ANO2: variants seen among roughly 807,000 people sequenced by gnomAD.
ANO2 encodes anoctamin-2.
ANO2 carries 101 observed loss-of-function variants against 124.2 expected under a neutral mutation model. The ratio of observed to expected loss-of-function variants is 0.81; its 90% CI spans 0.69 to 0.96. The LOEUF (loss-of-function observed/expected upper bound fraction) is 0.96, where lower values mean the gene tolerates loss of function less well. Ranked by LOEUF, ANO2 falls within the 40% of genes least tolerant of loss-of-function variation. The pLI is 0.00. For synonymous variants in ANO2, 486 were observed against 482.5 expected (o/e 1.01, Z -0.09); for missense variants, 1,293 against 1,274.5 (o/e 1.01, Z -0.22).
chr12:5,876,992 T>C (rs1181691178), intron 3 of ANO2, among the ~76,000 whole-genome samples: 2 of 152,164 alleles, frequency 1.3e-5, no homozygotes, highest in Admixed American at 6.5e-5. Context: ...AAAAAGACAG[T>C]AAATAAACAT....
intron 20 of ANO2, among the ~76,000 whole-genome samples, chr12:5,592,261 G>A (rs1022963254): frequency 1.3e-5 from 2 of 152,040 alleles, no homozygotes; most frequent in Admixed American, 6.6e-5. Context: ...TGAGTGTTGC[G>A]ACTAGAGAGG....
chr12:5,845,154 A>G (rs1312382182), intron 4 of ANO2, among the ~76,000 whole-genome samples: 1 of 151,802 alleles, frequency 6.6e-6, no homozygotes, highest in Admixed American at 6.6e-5. Context: ...AGTCCCAGCT[A>G]CTCAGGAGGC....
rs151189871 is a variant in ANO2 at position 5,679,044 on chromosome 12, C to T, written c.1546-31243G>A. Among the ~76,000 whole-genome samples the T allele has an allele frequency of 2.6e-3, 391 of 152,324 alleles. 2 individuals carry two copies. Among genetic ancestry groups the T allele is most frequent in the African/African-American group, 9.0e-3 (374 of 41,566 alleles). ...CTCGGCATAAGCCAAAAGTATGACA[C>T]GACCTCTAAAACTCAGACAGCATTG... On this transcript the variant is annotated intron_variant, in intron 14 of 24. Transcript: ENST00000682330.
chr12:5,795,709 C>T (rs1266182949), intron 10 of ANO2, among the ~76,000 whole-genome samples: 32 of 152,158 alleles, frequency 2.1e-4, no homozygotes, highest in Admixed American at 2.0e-3. Context: ...CATATCAAAA[C>T]GTCCAAGCTA....
intron 14 of ANO2, among the ~76,000 whole-genome samples, chr12:5,654,629 A>C (rs1947070333): frequency 6.6e-6 from 1 of 152,164 alleles, no homozygotes; most frequent in Admixed American, 6.5e-5. Context: ...TCCTGCCATC[A>C]TCACAAGCAA....
intron 20 of ANO2, among the ~76,000 whole-genome samples, chr12:5,589,560 A>G (rs1401940345): frequency 6.6e-6 from 1 of 152,178 alleles, no homozygotes; most frequent in Non-Finnish European, 1.5e-5. Context: ...GGCTTACCCA[A>G]TATGTTTTTA....
Position 5,658,663 on chromosome 12 carries a change from TCATCAA to T in ANO2, c.1546-10868_1546-10863del, listed in dbSNP as rs1188016903. On this transcript the variant is annotated intron_variant, in intron 14 of 24. Coordinates refer to ENST00000682330, the MANE Select transcript of ANO2 (RefSeq NM_001364791.2). The surrounding 1 kb of genome is among the most constrained non-coding windows in gnomAD (Gnocchi z 4.3). ...ATTGTCATCAATATCATCATCATCATCATCAACATCATTATCATCATTAAATCATCA... is the reference window on the plus strand; with the variant it reads ...ATTGTCATCAATATCATCATCATCATCATCATTATCATCATTAAATCATCA... 1.3e-5 allele frequency among the ~76,000 whole-genome samples: 2 copies of T among 150,496 alleles called. No individual in the cohort carries two copies. Among genetic ancestry groups the T allele is most frequent in the African/African-American group, 5.0e-5 (2 of 39,802 alleles).
chr12:5,767,227 G>A (rs1036278748), intron 10 of ANO2, among the ~76,000 whole-genome samples: 1 of 152,208 alleles, frequency 6.6e-6, no homozygotes, highest in East Asian at 1.9e-4. Context: ...GGTGTTCTTA[G>A]TAGTGTCATG....
chr12:5,899,739 T>C (rs1355937452), intron 3 of ANO2, among the ~76,000 whole-genome samples: 1 of 152,220 alleles, frequency 6.6e-6, no homozygotes, highest in Non-Finnish European at 1.5e-5. Context: ...AACCATGTCA[T>C]CTGCTGGTCT....
At chr12:5,598,705 C>T (rs1179539779) in intron 20 of ANO2, among the ~76,000 whole-genome samples, 1 of 152,114 alleles carries the variant, frequency 6.6e-6, no homozygotes, top group African/African-American at 2.4e-5. Context: ...ATTCATTAGC[C>T]CCAAGTCTTG....
intron 7 of ANO2, among the ~76,000 whole-genome samples, chr12:5,812,247 G>T (rs1266820517): frequency 7.4e-6 from 1 of 135,176 alleles, no homozygotes; most frequent in Non-Finnish European, 1.6e-5. Context: ...GGAAGGGGAA[G>T]AGAGGGGAAA....
rs139878166 is a variant in ANO2 at position 5,574,992 on chromosome 12, C to T, written c.2621+842G>A. 4.3e-3 allele frequency among the ~76,000 whole-genome samples: 651 copies of T among 152,250 alleles called. 7 individuals are homozygous for T. The highest frequency in any genetic ancestry group is 0.015 in the African/African-American group (625 of 41,542). On this transcript the variant is annotated intron_variant, in intron 23 of 24. Coordinates refer to ENST00000682330, the MANE Select transcript of ANO2 (RefSeq NM_001364791.2). ...TACTGTGTCTCCTTGCTAACCATAT[C>T]ACCTAGCACCAAGTCTTTATCCAAC...
chr12:5,596,654 C>A (rs1045355221), intron 20 of ANO2, among the ~76,000 whole-genome samples: 3 of 151,066 alleles, frequency 2.0e-5, no homozygotes, highest in African/African-American at 7.3e-5. Flanking sequence ...TTTTTTCATT[C>A]TTCTCATTTC....
intron 16 of ANO2, among the ~76,000 whole-genome samples, chr12:5,627,736 A>G (rs530140999): frequency 2.2e-3 from 341 of 152,172 alleles, no homozygotes; most frequent in African/African-American, 7.9e-3. Context: ...TTCTCTCCTC[A>G]GTAATAATAT....
Position 5,900,136 on chromosome 12 carries a change from T to C in ANO2, c.534+20904A>G, listed in dbSNP as rs971360176. Among the ~76,000 whole-genome samples the C allele has an allele frequency of 1.3e-5, 2 of 152,156 alleles. No individual in the cohort carries two copies. The highest frequency in any genetic ancestry group is 2.9e-5 in the Non-Finnish European group (2 of 68,026). The stretch of plus-strand genomic sequence containing the variant: ...CTGTCACCCAAGTTCTGATGGTCTC[T>C]CATAAGCAGTATCCAACTCAACCCA... On this transcript the variant is annotated intron_variant, in intron 3 of 24. Transcript: ENST00000682330. This position sits in a 1 kb window ranked among gnomAD's most constrained non-coding sequence, Gnocchi z 4.2.
intron 3 of ANO2, among the ~76,000 whole-genome samples, chr12:5,854,439 G>GTCACAGA: frequency 6.8e-6 from 1 of 146,804 alleles, no homozygotes; most frequent in Middle Eastern, 3.5e-3. Context: ...AACAATTTTG[G>GTCACAGA]TCACAGATTT....
intron 14 of ANO2, among the ~76,000 whole-genome samples, chr12:5,650,708 A>G (rs79615148): frequency 6.9e-4 from 105 of 152,350 alleles, no homozygotes; most frequent in African/African-American, 2.2e-3. Context: ...GCCAGCATAT[A>G]AGACAGTACA....
chr12:5,861,324 T>C (rs1955259620), intron 3 of ANO2, among the ~76,000 whole-genome samples: 1 of 152,096 alleles, frequency 6.6e-6, no homozygotes, highest in Non-Finnish European at 1.5e-5. Context: ...GAAGGAGGAA[T>C]GGGCTAGGGA....
At chr12:5,570,063 A>C (rs1011449291) in intron 23 of ANO2, among the ~76,000 whole-genome samples, 1 of 152,254 alleles carries the variant, frequency 6.6e-6, no homozygotes. Flanking sequence ...GACTCATATA[A>C]TAAATGAAAG....
Sources: allele counts gnomAD v4.1 joint callset (sites outside exome capture counted in the v4.1 genomes callset), GRCh38; gene constraint gnomAD v4.1.1; non-coding constraint Gnocchi (gnomAD v3.1); transcripts MANE v1.5; gene names NCBI Gene and HGNC (gene_info 2026-07-23, HGNC 2026-07-21).